The following CRYBA2 variants were observed in gnomAD, a reference collection of about 807,000 sequenced individuals.
CRYBA2 encodes the protein crystallin beta A2, also known as beta-crystallin A2.
A neutral mutation model predicts 18.5 loss-of-function variants in CRYBA2; 17 were observed. The ratio of observed to expected loss-of-function variants is 0.92; its 90% confidence interval spans 0.63 to 1.38. CRYBA2 has a LOEUF of 1.38. Among genes scored for constraint, CRYBA2 ranks in the 40% most tolerant of loss-of-function variants. The pLI is 0.00. For synonymous variants in CRYBA2, 101 were observed against 106.2 expected (o/e 0.95, Z 0.30); for missense variants, 271 against 265.0 (o/e 1.02, Z -0.16).
intron 3 of CRYBA2, 84 bp from the exon 4 acceptor site, chr2:218,990,483 T>G: frequency 1.4e-6 from 2 of 1,471,904 alleles, no homozygotes; most frequent in Middle Eastern, 2.3e-4. Context: ...CCCCCTTTTG[T>G]AGCTCCCAAC....
At chr2:218,992,309 G>A (rs1945507458) in intron 1 of CRYBA2, 66 bp from the exon 2 acceptor site, 3 of 1,533,642 alleles carry the variant, frequency 2.0e-6, no homozygotes, top group South Asian at 1.2e-5. Flanking sequence ...CCCCCTTGCC[G>A]GCCATGATTG....
chr2:218,990,856 C>T lies in CRYBA2; in HGVS notation c.442G>A (p.Gly148Arg), dbSNP rs370071025. The T allele has an allele frequency of 5.5e-5, 89 of 1,613,496 alleles. 1 individual carries two copies. Among genetic ancestry groups the T allele is most frequent in the South Asian group, 5.2e-4 (47 of 91,028 alleles). ...KDVGSLKVSS[G>R]AWVAYQYPGY... The stretch of plus-strand genomic sequence containing the variant: ...GGTTCCAGTTCCAGGACTCACGCTC[C>T]GGAGCTGACTTTGAGGGAACCCACA... The change falls in exon 3 of 4, where the codon GGA (glycine) becomes AGA (arginine). Residue 148 changes from glycine (G) to arginine (R), a missense_variant. Gly to Arg is a moderately radical substitution (Grantham distance 125). Transcript: ENST00000295728.
Position 218,990,510 on chromosome 2 carries a change from A to G in CRYBA2, c.447-111T>C. The G allele has an allele frequency of 5.9e-6, 8 of 1,346,254 alleles. No individual in the cohort carries two copies. In the South Asian group the frequency reaches 1.1e-4, roughly 18 times the overall value. 83.4% of individuals were successfully genotyped at this position (1,346,254 alleles called of 1,614,324 possible). The stretch of plus-strand genomic sequence containing the variant: ...GCTCCCAACCCCCAGTTCCAAAATC[A>G]TTGCTTCAACTTTCCCTCCGTGGCT... On this transcript the variant is annotated intron_variant, in intron 3 of 3. Coordinates refer to ENST00000295728, the MANE Select transcript of CRYBA2 (RefSeq NM_057093.2).
chr2:218,991,287 C>A, intron 2 of CRYBA2: 1 of 297,394 alleles, frequency 3.4e-6, no homozygotes. Flanking sequence ...GTGACATGGG[C>A]CCATTTTGCA....
rs1420962287 is a variant in CRYBA2, at chr2:218,990,985, CATT to C, written c.310_312del (p.Asn104del). 1.2e-6 allele frequency: 2 copies of C among 1,614,104 alleles called. No homozygotes were observed. The highest frequency in any genetic ancestry group is 1.7e-6 in the Non-Finnish European group (2 of 1,179,974). The stretch of plus-strand genomic sequence containing the variant: ...CCCTCAAACAGTGTCACACGGCTGT[CATT>C]GTGGTTCTGAGGCACAGCAAGATCA... On this transcript the variant is annotated inframe_deletion, in exon 3 of 4. Transcript: ENST00000295728.
In CRYBA2 at chr2:218,990,938, C is replaced by T. The variant is rs767467273; in HGVS notation, c.360G>A (p.Lys120=). Residue 120 remains lysine, a synonymous_variant, in exon 3 of 4, where the codon AAG becomes AAA. Transcript: ENST00000295728. The part of the protein sequence containing the change: ...LFEGDNFQGC[K]FDLVDDYPSL... ...ATGGGTAGTCATCAACGAGGTCAAA[C>T]TTGCAGCCTTGGAAGTTGTCCCCCT... 6.2e-7 allele frequency: 1 copy of T among 1,614,212 alleles called. No homozygotes were observed. The highest frequency in any genetic ancestry group is 1.3e-5 in the African/African-American group (1 of 75,066).
At chr2:218,991,327 C>A (rs1166398688) in intron 2 of CRYBA2, 1 of 234,328 alleles carries the variant, frequency 4.3e-6, no homozygotes, top group African/African-American at 2.2e-5. Flanking sequence ...TTAGAGAAAT[C>A]TGTCCCATTC....
At chr2:218,992,012 C>G in intron 2 of CRYBA2, 90 bp downstream of exon 2, 1 of 1,140,576 alleles carries the variant, frequency 8.8e-7, no homozygotes. Flanking sequence ...ACACACACCC[C>G]ATGCAGGGCT....
Position 218,990,893 on chromosome 2 carries a change from C to G in CRYBA2, c.405G>C (p.Trp135Cys). 2 of 1,614,126 alleles carry G rather than the reference C, an allele frequency of 1.2e-6. No individual in the cohort carries two copies. Among genetic ancestry groups the G allele is most frequent in the Admixed American group, 1.7e-5 (1 of 60,014 alleles). ...TGAGGGAACCCACATCCTTGCTGGC[C>G]CAGCCCATGGAGGGCAGGGATGGGT... is the stretch of plus-strand genomic sequence containing the variant. ...DDYPSLPSMGWASKDVGSLKV... is the reference protein window; with the variant it reads ...DDYPSLPSMGCASKDVGSLKV... Residue 135 changes from tryptophan to cysteine, a missense_variant, in exon 3 of 4, where the codon TGG (tryptophan) becomes TGC (cysteine). Physicochemically the swap from Trp to Cys is radical, Grantham distance 215 (BLOSUM62 -2). Transcript: ENST00000295728.
intron 2 of CRYBA2, chr2:218,991,836 G>A (rs903901782): frequency 3.3e-5 from 15 of 455,720 alleles, no homozygotes; most frequent in Admixed American, 8.2e-5. Flanking sequence ...ACGTGTGGAC[G>A]ATGGAATGTG....
At chr2:218,990,808 CCTCCCTGCTCTTCTGT>C (rs772412544) in intron 3 of CRYBA2, 28 bp downstream of exon 3, 26 of 1,599,668 alleles carry the variant, frequency 1.6e-5, no homozygotes, top group Non-Finnish European at 2.0e-5. Flanking sequence ...GTCCCCATTG[CCTCCCTGCTCTTCTGT>C]CTCCCTGGTT....
At position 218,992,363 on chromosome 2, in the gene CRYBA2, TC is replaced by T. The variant is rs1945508137; in HGVS notation, c.162-121del. 1.1e-5 allele frequency: 11 copies of T among 1,000,074 alleles called. No individual in the cohort carries two copies. The East Asian group carries it at 3.0e-4, about 28-fold the overall frequency. The allele number at this position is 1,000,074 out of a possible 1,614,324, so 62.0% of individuals were successfully genotyped here. ...ATGTTTTTCTCCAACCCCAAACCCT[TC>T]CCCTGACACCCCCATTGTATGGCAA... On this transcript the variant is annotated intron_variant, in intron 1 of 3. Coordinates refer to ENST00000295728, the MANE Select transcript of CRYBA2 (RefSeq NM_057093.2).
In CRYBA2 at chr2:218,992,216, G is replaced by A; in HGVS notation, c.189C>T (p.Phe63=). The change falls in exon 2 of 4, where the codon TTC becomes TTT. Residue 63 remains phenylalanine, a synonymous_variant. Transcript: ENST00000295728. ...GVWVAFEYPD[F]QGQQFILEKG... ...TCTCCAGAATGAACTGCTGTCCCTG[G>A]AAGTCGGGGTACTCAAAGGCCACCC... The A allele has an allele frequency of 6.2e-7, 1 of 1,613,654 alleles. No individual in the cohort carries two copies. The highest frequency in any genetic ancestry group is 1.1e-5 in the South Asian group (1 of 91,082).
rs1945517127 is a variant in CRYBA2 at position 218,993,061 on chromosome 2, C to T, written c.116G>A (p.Arg39His). The T allele has an allele frequency of 1.9e-6, 3 of 1,610,540 alleles. No individual in the cohort carries two copies. Among genetic ancestry groups the T allele is most frequent in the Non-Finnish European group, 2.5e-6 (3 of 1,178,258 alleles). Residue 39 changes from arginine (R) to histidine (H), a missense_variant, in exon 1 of 4, where the codon CGC (arginine) becomes CAC (histidine). Physicochemically the swap from Arg to His is conservative, Grantham distance 29 (BLOSUM62 0). Coordinates refer to ENST00000295728, the MANE Select transcript of CRYBA2 (RefSeq NM_057093.2). The surrounding 1 kb of genome is among the most constrained non-coding windows in gnomAD (Gnocchi z 7.7). Reference protein sequence around the residue: ...LLSDCANVCERGGLPRVRSVK... With the variant: ...LLSDCANVCEHGGLPRVRSVK... ...CGAGCGCACCCTGGGCAGGCCTCCG[C>T]GCTCGCAGACGTTCGCACAGTCGCT... is the stretch of plus-strand genomic sequence containing the variant.
intron 2 of CRYBA2, chr2:218,991,736 C>T (rs929724574): frequency 1.3e-5 from 3 of 238,192 alleles, no homozygotes; most frequent in Admixed American, 5.3e-5. Flanking sequence ...CACTTTGTCC[C>T]TTTGAGCCCC....
chr2:218,992,789 A>G (rs1559103156), intron 1 of CRYBA2, among the ~76,000 whole-genome samples: 1 of 152,030 alleles, frequency 6.6e-6, no homozygotes, highest in Non-Finnish European at 1.5e-5. Context: ...TCCCATAGGG[A>G]CCCTCAAGGG....
At position 218,992,009 on chromosome 2, in the gene CRYBA2, C is replaced by T. The variant is rs1331897500; in HGVS notation, c.303+93G>A. 5 of 1,112,868 alleles carry T rather than the reference C, an allele frequency of 4.5e-6. No homozygotes were observed. The South Asian group carries it at 6.4e-5, about 14-fold the overall frequency. 68.9% of individuals were successfully genotyped at this position (1,112,868 alleles called of 1,614,324 possible). On this transcript the variant is annotated intron_variant, in intron 2 of 3. Coordinates refer to ENST00000295728, the MANE Select transcript of CRYBA2 (RefSeq NM_057093.2). The stretch of plus-strand genomic sequence containing the variant: ...CCATCTCGGAGTTTGTTTACACACA[C>T]CCCATGCAGGGCTTGAACAGCCTTT...
intron 3 of CRYBA2, 134 bp from the exon 4 acceptor site, chr2:218,990,533 GCTCTCTCCCT>G: frequency 8.8e-7 from 1 of 1,142,632 alleles, no homozygotes; most frequent in Non-Finnish European, 1.2e-6. Flanking sequence ...TCCCTCCGTG[GCTCTCTCCCT>G]CCCCTGCCCA....
At chr2:218,991,486 A>C (rs1011420389) in intron 2 of CRYBA2, 1 of 155,790 alleles carries the variant, frequency 6.4e-6, no homozygotes, top group African/African-American at 2.4e-5. Context: ...TACTGATTGC[A>C]TCTTGGCTCC....
Sources: gnomAD v4.1 joint callset for allele counts (sites outside exome capture counted in the v4.1 genomes callset) on GRCh38, gnomAD v4.1.1 for gene constraint, Gnocchi (gnomAD v3.1) non-coding constraint, MANE v1.5 for transcripts, NCBI Gene and HGNC (gene_info 2026-07-23, HGNC 2026-07-21) for gene names.